The following HSD17B12 variants were observed in gnomAD, a reference collection of about 807,000 sequenced individuals.
The protein encoded by HSD17B12 is hydroxysteroid 17-beta dehydrogenase 12, also known as very-long-chain 3-oxoacyl-CoA reductase.
HSD17B12 carries 32 observed loss-of-function variants against 39.3 expected under a neutral mutation model. The ratio of observed to expected loss-of-function variants is 0.81; its 90% CI spans 0.61 to 1.09. The LOEUF is 1.09. Ranked by LOEUF, HSD17B12 falls within the 50% of genes least tolerant of loss-of-function variation. HSD17B12 has a pLI of 0.00. For missense variants in HSD17B12, 342 were observed against 382.9 expected (o/e 0.89, Z 0.89); for synonymous variants, 150 against 146.7 (o/e 1.02, Z -0.16).
intron 3 of HSD17B12, among the ~76,000 whole-genome samples, chr11:43,763,622 T>TGG (rs1950572347): frequency 6.8e-6 from 1 of 148,130 alleles, no homozygotes; most frequent in Non-Finnish European, 1.5e-5. Context: ...TATATATATA[T>TGG]ATATCTTATC....
the HSD17B12 span, among the ~76,000 whole-genome samples, chr11:43,597,492 C>T: frequency 6.6e-6 from 1 of 152,004 alleles, no homozygotes; most frequent in African/African-American, 2.4e-5. Flanking sequence ...GGAGAGCCAC[C>T]GAAGGTTTTA....
chr11:43,789,077 C>A (rs1386671048), intron 3 of HSD17B12, among the ~76,000 whole-genome samples: 2 of 152,190 alleles, frequency 1.3e-5, no homozygotes, highest in African/African-American at 4.8e-5. Flanking sequence ...GTTTTCTGCA[C>A]TTTCTGGTTT....
chr11:43,728,175 C>T (rs973650967), intron 1 of HSD17B12, among the ~76,000 whole-genome samples: 89 of 152,064 alleles, frequency 5.9e-4, no homozygotes, highest in African/African-American at 2.1e-3. Context: ...AAGTGATTCT[C>T]CTGCCTCACC....
At chr11:43,653,674 G>C in the HSD17B12 span, among the ~76,000 whole-genome samples, 1 of 152,218 alleles carries the variant, frequency 6.6e-6, no homozygotes, top group South Asian at 2.1e-4. Context: ...CCTTGCAATA[G>C]TTTGCTGAGA....
the HSD17B12 span, among the ~76,000 whole-genome samples, chr11:43,637,437 T>A: frequency 6.6e-6 from 1 of 152,106 alleles, no homozygotes; most frequent in Non-Finnish European, 1.5e-5. Flanking sequence ...GTCAGGCTGG[T>A]CTCGAACTCC....
In HSD17B12 at chr11:43,856,512, A is replaced by G. The variant is rs1259015745; in HGVS notation, c.*1264A>G. The G allele has an allele frequency of 1.3e-5, 2 of 152,260 alleles. No homozygotes were observed. Among genetic ancestry groups the G allele is most frequent in the African/African-American group, 4.8e-5 (2 of 41,474 alleles). 9.4% of individuals were successfully genotyped at this position (152,260 alleles called of 1,614,324 possible). ...CAAATAGCCATCTGCTATCAGCATC[A>G]TTATGTAAAAGAAAATATATTTTAG... On this transcript the variant is annotated 3_prime_UTR_variant, in exon 11 of 11. Transcript: ENST00000278353.
chr11:43,582,543 A>G, the HSD17B12 span, among the ~76,000 whole-genome samples: 72,058 of 152,076 alleles, frequency 0.47, 17,497 homozygotes, highest in East Asian at 0.73. Flanking sequence ...CCACAGGGAC[A>G]GAAATGGGTA....
chr11:43,729,795 A>C (rs964615322), intron 1 of HSD17B12, among the ~76,000 whole-genome samples: 2 of 152,254 alleles, frequency 1.3e-5, no homozygotes, highest in African/African-American at 4.8e-5. Context: ...TTATTTCATC[A>C]GTCTTTAACA....
intron 1 of HSD17B12, among the ~76,000 whole-genome samples, chr11:43,736,403 G>A (rs973393558): frequency 1.1e-4 from 16 of 152,146 alleles, no homozygotes; most frequent in Non-Finnish European, 2.2e-4. Flanking sequence ...GCAGTGTCTG[G>A]TTGGGTCAAA....
At chr11:43,725,048 T>G (rs1464173926) in intron 1 of HSD17B12, among the ~76,000 whole-genome samples, 1 of 152,188 alleles carries the variant, frequency 6.6e-6, no homozygotes. Context: ...GTGGCTACCA[T>G]GGCTTGGAGA....
chr11:43,681,778 G>A (rs1949747319), intron 1 of HSD17B12, among the ~76,000 whole-genome samples: 1 of 151,610 alleles, frequency 6.6e-6, no homozygotes, highest in East Asian at 1.9e-4. Flanking sequence ...GGAGGACGAA[G>A]GTCAGGTTGA....
At chr11:43,793,224 A>G (rs150550759) in intron 3 of HSD17B12, among the ~76,000 whole-genome samples, 1 of 152,332 alleles carries the variant, frequency 6.6e-6, no homozygotes, top group East Asian at 1.9e-4. Flanking sequence ...TGAATCTTAA[A>G]GAATGTTATA....
the HSD17B12 span, among the ~76,000 whole-genome samples, chr11:43,653,329 C>A: frequency 9.9e-5 from 15 of 152,188 alleles, no homozygotes; most frequent in Admixed American, 5.9e-4. Flanking sequence ...AACATAAGAA[C>A]TAAAACCATA....
intron 3 of HSD17B12, among the ~76,000 whole-genome samples, chr11:43,775,783 A>G (rs1950696993): frequency 9.7e-6 from 1 of 102,756 alleles, no homozygotes; most frequent in East Asian, 3.0e-4. Context: ...AACAGTCCCC[A>G]GAGTGTGATG....
intron 1 of HSD17B12, among the ~76,000 whole-genome samples, chr11:43,693,887 CT>C (rs1397948305): frequency 6.6e-6 from 1 of 152,190 alleles, no homozygotes; most frequent in African/African-American, 2.4e-5. Flanking sequence ...ACAGGTTCCC[CT>C]GATCTTGCAC....
At chr11:43,578,435 T>C in the HSD17B12 span, among the ~76,000 whole-genome samples, 2 of 152,228 alleles carry the variant, frequency 1.3e-5, no homozygotes, top group Admixed American at 6.5e-5. Flanking sequence ...GAAGGTTCCC[T>C]GACTGAGACT....
At chr11:43,704,088 G>A (rs1298404705) in intron 1 of HSD17B12, among the ~76,000 whole-genome samples, 2 of 152,174 alleles carry the variant, frequency 1.3e-5, no homozygotes, top group African/African-American at 4.8e-5. Flanking sequence ...CAGTGGTATG[G>A]TCAGAGGAGA....
intron 1 of HSD17B12, among the ~76,000 whole-genome samples, chr11:43,686,012 ACTAAGGTGCTTAACAAAG>A (rs1949794981): frequency 6.6e-6 from 1 of 152,242 alleles, no homozygotes; most frequent in African/African-American, 2.4e-5. Context: ...CTGGAAAGTT[ACTAAGGTGCTTAACAAAG>A]CAAAGGGTTT....
At chr11:43,574,012 G>A in the HSD17B12 span, among the ~76,000 whole-genome samples, 3 of 152,164 alleles carry the variant, frequency 2.0e-5, no homozygotes, top group African/African-American at 7.2e-5. Context: ...CCTCCCAACT[G>A]CAGCAACATT....
Sources: allele counts gnomAD v4.1 joint callset (sites outside exome capture counted in the v4.1 genomes callset), GRCh38; gene constraint gnomAD v4.1.1; transcripts MANE v1.5; gene names NCBI Gene and HGNC (gene_info 2026-07-23, HGNC 2026-07-21).